Variants in ZC3H12B observed in about 807,000 individuals in gnomAD.
The protein encoded by ZC3H12B is zinc finger CCCH-type containing 12B.
Under a neutral mutation model 43.9 loss-of-function variants are expected in ZC3H12B, and 7 were observed. The observed-to-expected ratio is 0.16, with a 90% CI of 0.09 to 0.30. The LOEUF (loss-of-function observed/expected upper bound fraction) is 0.30. ZC3H12B is among the 10% of genes least tolerant of loss of function. The pLI is 1.00. For missense variants in ZC3H12B, 475 were observed against 670.2 expected, an observed-to-expected ratio of 0.71 and a Z score of 3.22; for synonymous variants, 222 against 241.7, an observed-to-expected ratio of 0.92 and a Z score of 0.76.
rs183636329 is a variant in ZC3H12B, at chrX:65,366,724, A to G, written n.87A>G. On this transcript the variant is annotated non_coding_transcript_exon_variant, in exon 1 of 6. In the 5' UTR this introduces an upstream ATG that the reference lacks. Coordinates refer to the ZC3H12B transcript ENST00000617377. ...CCAGGTGATACTTGAAAGAAGAGAT[A>G]ACGACCACCTATCTCCTTCATCCTG... The G allele has an allele frequency of 8.9e-6, 1 of 112,167 alleles. No homozygotes were observed. Among genetic ancestry groups the G allele is most frequent in the Admixed American group, 9.5e-5 (1 of 10,553 alleles). The allele number at this position is 112,167 out of a possible 1,213,427, so 9.2% of individuals were successfully genotyped here.
intron 2 of ZC3H12B, among the ~76,000 whole-genome samples, chrX:65,375,231 G>C (rs758551773): frequency 8.9e-6 from 1 of 112,111 alleles, no homozygotes; most frequent in Admixed American, 9.5e-5. Context: ...GAACTCAGCT[G>C]ATGCCCGCCA....
At chrX:65,219,181 G>C in the ZC3H12B span, among the ~76,000 whole-genome samples, 1 of 111,687 alleles carries the variant, frequency 9.0e-6, no homozygotes, top group African/African-American at 3.3e-5. Context: ...AGTAGCACTT[G>C]AGCCCCAGAT....
At chrX:65,159,472 G>A in the ZC3H12B span, among the ~76,000 whole-genome samples, 1 of 111,521 alleles carries the variant, frequency 9.0e-6, no homozygotes, top group East Asian at 2.8e-4. Context: ...TCCTTCAGGA[G>A]GTCCTTCACA....
chrX:65,191,458 T>A, the ZC3H12B span, among the ~76,000 whole-genome samples: 8 of 102,030 alleles, frequency 7.8e-5, no homozygotes, highest in Admixed American at 8.3e-4. Context: ...AAACTATTGA[T>A]TATTGCCAGA....
chrX:65,169,235 C>G, the ZC3H12B span, among the ~76,000 whole-genome samples: 1 of 111,735 alleles, frequency 8.9e-6, no homozygotes, highest in Non-Finnish European at 1.9e-5. Flanking sequence ...TATGTTGTGT[C>G]TTTGTACTCA....
chrX:65,377,265 T>A (rs1194300630), intron 2 of ZC3H12B, among the ~76,000 whole-genome samples: 1 of 109,066 alleles, frequency 9.2e-6, no homozygotes, highest in Non-Finnish European at 1.9e-5. Flanking sequence ...ACTTAGAATA[T>A]CTAGAAAACG....
At chrX:65,505,750 A>C (rs1048848746) in exon 5 of ZC3H12B, 2 of 112,718 alleles carry the variant, frequency 1.8e-5, no homozygotes, top group Non-Finnish European at 3.8e-5. Flanking sequence ...CACAAGATTC[A>C]TCTTGTCACC....
At chrX:65,266,704 A>G in the ZC3H12B span, among the ~76,000 whole-genome samples, 1 of 111,415 alleles carries the variant, frequency 9.0e-6, no homozygotes, top group African/African-American at 3.3e-5. Context: ...GGAGCACAAC[A>G]AACCCTATTC....
chrX:65,099,245 G>C, the ZC3H12B span, among the ~76,000 whole-genome samples: 4 of 111,746 alleles, frequency 3.6e-5, no homozygotes, highest in African/African-American at 9.8e-5. Context: ...TCATCTCACT[G>C]GTACAGAGCA....
At chrX:65,160,476 T>C in the ZC3H12B span, among the ~76,000 whole-genome samples, 1 of 111,906 alleles carries the variant, frequency 8.9e-6, no homozygotes, top group Non-Finnish European at 1.9e-5. Context: ...AACTTCTTTG[T>C]GGTTTAGTCT....
At chrX:65,053,645 A>G in the ZC3H12B span, among the ~76,000 whole-genome samples, 1 of 111,420 alleles carries the variant, frequency 9.0e-6, no homozygotes, top group Non-Finnish European at 1.9e-5. Flanking sequence ...GCTGGGTCAA[A>G]TGGTATTTCT....
At chrX:65,082,592 A>G in the ZC3H12B span, among the ~76,000 whole-genome samples, 17 of 111,371 alleles carry the variant, frequency 1.5e-4, no homozygotes, top group African/African-American at 5.5e-4. Flanking sequence ...ACAGATCAAT[A>G]ACAAGTAATG....
chrX:65,328,600 C>T, the ZC3H12B span: 1 of 162,535 alleles, frequency 6.2e-6, no homozygotes, highest in South Asian at 1.2e-4. Context: ...ACATGTGCAC[C>T]ATGTGCAGGT....
At chrX:65,340,739 C>G in the ZC3H12B span, among the ~76,000 whole-genome samples, 1 of 112,301 alleles carries the variant, frequency 8.9e-6, no homozygotes. Context: ...GAAGGAACAT[C>G]AACCCACAAA....
exon 4 of ZC3H12B, chrX:65,499,940 A>G: frequency 1.7e-6 from 2 of 1,211,500 alleles, no homozygotes; most frequent in Non-Finnish European, 2.2e-6. Context: ...AAAATTTCTT[A>G]AGAAAGAGAC....
the ZC3H12B span, among the ~76,000 whole-genome samples, chrX:65,246,265 A>C: frequency 8.9e-6 from 1 of 112,007 alleles, no homozygotes; most frequent in Non-Finnish European, 1.9e-5. Flanking sequence ...CATACATGGC[A>C]CAAAAAAATA....
chrX:65,136,546 T>G, the ZC3H12B span, among the ~76,000 whole-genome samples: 1 of 111,187 alleles, frequency 9.0e-6, no homozygotes, highest in Non-Finnish European at 1.9e-5. Context: ...TTCTGTGGTG[T>G]TTTGCTAAAA....
At chrX:65,383,419 G>T (rs1470701689) in intron 2 of ZC3H12B, among the ~76,000 whole-genome samples, 1 of 110,217 alleles carries the variant, frequency 9.1e-6, no homozygotes, top group Admixed American at 9.6e-5. Flanking sequence ...GCTGAAACTG[G>T]ATCCCTTCCT....
At chrX:65,161,310 G>T in the ZC3H12B span, among the ~76,000 whole-genome samples, 1 of 110,896 alleles carries the variant, frequency 9.0e-6, no homozygotes, top group Non-Finnish European at 1.9e-5. Context: ...CAATTCCTGG[G>T]GATCTTTGTT....
Sources: allele counts gnomAD v4.1 joint callset (sites outside exome capture counted in the v4.1 genomes callset), GRCh38; gene constraint gnomAD v4.1.1; transcripts MANE v1.5; gene names NCBI Gene and HGNC (gene_info 2026-07-23, HGNC 2026-07-21).